RERE: variants seen among roughly 807,000 people sequenced by gnomAD.
RERE encodes the protein arginine-glutamic acid dipeptide repeats protein.
Under a neutral mutation model 146.1 loss-of-function variants are expected in RERE, and 40 were observed. That is an observed-to-expected ratio of 0.27 (90% confidence interval 0.21 to 0.36). The LOEUF is 0.36. Ranked by LOEUF, RERE falls within the 10% of genes least tolerant of loss-of-function variation. RERE has a pLI of 1.00. For synonymous variants in RERE, 1,003 were observed against 866.0 expected, an observed-to-expected ratio of 1.16 and a Z score of -2.78; for missense variants, 1,933 against 2,138.7, an observed-to-expected ratio of 0.90 and a Z score of 1.90.
intron 1 of RERE, among the ~76,000 whole-genome samples, chr1:8,776,810 C>T (rs1168141458): frequency 2.0e-5 from 3 of 152,130 alleles, no homozygotes; most frequent in Non-Finnish European, 4.4e-5. Flanking sequence ...CCTCGACCTC[C>T]CCGGGATCAG....
intron 11 of RERE, among the ~76,000 whole-genome samples, chr1:8,435,041 G>A (rs1644149763): frequency 6.6e-6 from 1 of 152,160 alleles, no homozygotes; most frequent in South Asian, 2.1e-4. Flanking sequence ...TTATTATCAG[G>A]GGTAACGTGT....
rs1405142106 is a variant in RERE at position 8,354,454 on chromosome 1, A to G, written c.*633T>C. The stretch of plus-strand genomic sequence containing the variant: ...AAAAAATCAACTCTGTATTCTGTCA[A>G]TAGTTGGTAGGAATTCACAATTAGT... On this transcript the variant is annotated 3_prime_UTR_variant, in exon 23 of 23. Coordinates refer to ENST00000400908, the MANE Select transcript of RERE (RefSeq NM_001042681.2). 1 of 152,328 alleles carries G rather than the reference A, an allele frequency of 6.6e-6. No individual in the cohort carries two copies. Among genetic ancestry groups the G allele is most frequent in the African/African-American group, 2.4e-5 (1 of 41,416 alleles). 9.4% of individuals were successfully genotyped at this position (152,328 alleles called of 1,614,324 possible).
chr1:8,801,259 C>CA (rs940033921), intron 1 of RERE, among the ~76,000 whole-genome samples: 1 of 123,354 alleles, frequency 8.1e-6, no homozygotes, highest in East Asian at 2.0e-4. Context: ...GACCCTGTCT[C>CA]AAAAAAAATT....
intron 15 of RERE, 127 bp downstream of exon 15, chr1:8,363,929 C>A: frequency 2.4e-6 from 2 of 846,170 alleles, no homozygotes; most frequent in Non-Finnish European, 3.7e-6. Context: ...TCGGGCAAAG[C>A]AGCTCCCCTC....
chr1:8,564,826 A>ATATATGTG (rs1384858524), intron 4 of RERE, among the ~76,000 whole-genome samples: 7 of 117,938 alleles, frequency 5.9e-5, no homozygotes, highest in African/African-American at 1.7e-4. Flanking sequence ...GTGTGTGTAT[A>ATATATGTG]TGTGTATGTG....
Position 8,361,374 on chromosome 1 carries a change from C to T in RERE, c.2133G>A (p.Thr711=), listed in dbSNP as rs368487283. 116 of 1,613,722 alleles carry T rather than the reference C, an allele frequency of 7.2e-5. No homozygotes were observed. The highest frequency in any genetic ancestry group is 3.3e-4 in the Middle Eastern group (2 of 6,058). The change falls in exon 18 of 23, where the codon ACG becomes ACA. Residue 711 remains threonine (T), a synonymous_variant. Coordinates refer to ENST00000400908, the MANE Select transcript of RERE (RefSeq NM_001042681.2). The part of the protein sequence containing the change: ...PKDIDQDNRS[T]SPSIPSPQDN... ...CCTGGGGGCTGGGGATGCTCGGGGACGTGCTGCGATTGTCCTGGTCGATGT... is the reference window on the plus strand; with the variant it reads ...CCTGGGGGCTGGGGATGCTCGGGGATGTGCTGCGATTGTCCTGGTCGATGT...
intron 1 of RERE, among the ~76,000 whole-genome samples, chr1:8,805,572 C>T (rs1641673195): frequency 6.6e-6 from 1 of 151,728 alleles, no homozygotes; most frequent in Admixed American, 6.6e-5. Context: ...TCACTTGAAT[C>T]CCGGAGGCGG....
At chr1:8,544,704 T>C (rs1381605677) in intron 6 of RERE, among the ~76,000 whole-genome samples, 2 of 152,160 alleles carry the variant, frequency 1.3e-5, no homozygotes, top group African/African-American at 2.4e-5. Flanking sequence ...TCAAACACAT[T>C]TCTGAAAATG....
intron 2 of RERE, among the ~76,000 whole-genome samples, chr1:8,651,833 T>C (rs1343481083): frequency 6.6e-6 from 1 of 152,174 alleles, no homozygotes; most frequent in East Asian, 1.9e-4. Flanking sequence ...TGTTTTTTGT[T>C]TTTTAAGAGA....
intron 1 of RERE, among the ~76,000 whole-genome samples, chr1:8,783,996 C>T (rs1334180097): frequency 2.6e-5 from 4 of 152,202 alleles, no homozygotes; most frequent in African/African-American, 7.2e-5. Flanking sequence ...CCAACCGACA[C>T]CTTGATTTCA....
intron 10 of RERE, among the ~76,000 whole-genome samples, chr1:8,489,094 G>A (rs1212731707): frequency 6.6e-6 from 1 of 151,900 alleles, no homozygotes; most frequent in Non-Finnish European, 1.5e-5. Flanking sequence ...TCTTAATCCC[G>A]GCATTTTGGG....
chr1:8,363,416 C>T (rs1641669805), intron 15 of RERE, among the ~76,000 whole-genome samples: 1 of 152,190 alleles, frequency 6.6e-6, no homozygotes, highest in Admixed American at 6.5e-5. Context: ...CTGCTCCCTT[C>T]TGAGTGAGCG....
chr1:8,604,869 T>A (rs1646682868), intron 4 of RERE, among the ~76,000 whole-genome samples: 1 of 152,228 alleles, frequency 6.6e-6, no homozygotes, highest in Non-Finnish European at 1.5e-5. Context: ...AACATCTGCT[T>A]CTGTGCTAAA....
chr1:8,461,470 T>C (rs1644525835), intron 11 of RERE, among the ~76,000 whole-genome samples: 1 of 152,180 alleles, frequency 6.6e-6, no homozygotes, highest in African/African-American at 2.4e-5. Flanking sequence ...CAAGTTTACT[T>C]AGCCTGAAAG....
rs1641424161 is a variant in RERE, at chr1:8,358,858, C to T, written c.3677G>A (p.Gly1226Asp). ...TGGCTCGAAGGATGGCCGCATGTGG[C>T]CAGGACCACTGAGCTGTGGGTCACT... ...RLSDPQLSGP[G>D]HMRPSFEPPP... The change falls in exon 20 of 23, where the codon GGC becomes GAC. Residue 1226 changes from glycine to aspartate, a missense_variant. Gly to Asp is a moderately conservative substitution (Grantham distance 94). Coordinates refer to ENST00000400908, the MANE Select transcript of RERE (RefSeq NM_001042681.2). The T allele has an allele frequency of 1.3e-6, 2 of 1,595,304 alleles. No homozygotes were observed. Among genetic ancestry groups the T allele is most frequent in the Non-Finnish European group, 1.7e-6 (2 of 1,169,948 alleles).
intron 11 of RERE, chr1:8,465,617 T>A (rs1249305864): frequency 2.4e-6 from 1 of 419,684 alleles, no homozygotes. Context: ...TAGGGAGGTA[T>A]CACAAGCTAG....
intron 1 of RERE, among the ~76,000 whole-genome samples, chr1:8,768,911 G>A (rs185488080): frequency 5.6e-4 from 85 of 152,302 alleles, no homozygotes; most frequent in East Asian, 3.7e-3. Flanking sequence ...TCATCCTTAG[G>A]GGAAAAATGT....
At chr1:8,714,884 T>G (rs1639733935) in intron 1 of RERE, among the ~76,000 whole-genome samples, 1 of 152,068 alleles carries the variant, frequency 6.6e-6, no homozygotes, top group Non-Finnish European at 1.5e-5. Flanking sequence ...TACCACAATT[T>G]TTTTTTTTAA....
At chr1:8,357,512 G>T (rs941421473) in intron 20 of RERE, among the ~76,000 whole-genome samples, 2 of 152,190 alleles carry the variant, frequency 1.3e-5, no homozygotes, top group African/African-American at 4.8e-5. Context: ...CTGTCCCACA[G>T]GACCTGTACT....
Sources: allele counts gnomAD v4.1 joint callset (sites outside exome capture counted in the v4.1 genomes callset), GRCh38; gene constraint gnomAD v4.1.1; transcripts MANE v1.5; gene names NCBI Gene and HGNC (gene_info 2026-07-23, HGNC 2026-07-21).